Variants in RAB30 observed in about 807,000 individuals in gnomAD.
The protein encoded by RAB30 is ras-related protein Rab-30.
A neutral mutation model predicts 25.1 loss-of-function variants in RAB30; 9 were observed. That is an observed-to-expected ratio of 0.36 (90% CI 0.22 to 0.63). The LOEUF (loss-of-function observed/expected upper bound fraction) is 0.63, where lower values mean the gene tolerates loss of function less well. Among genes scored for constraint, RAB30 ranks in the 20% least tolerant of loss-of-function variants. RAB30 has a pLI of 0.69. For synonymous variants in RAB30, 77 were observed against 86.4 expected (o/e 0.89, Z 0.60); for missense variants, 140 against 243.5 (o/e 0.58, Z 2.83).
intron 2 of RAB30, among the ~76,000 whole-genome samples, chr11:82,996,703 C>T (rs1344313025): frequency 1.3e-5 from 2 of 152,206 alleles, no homozygotes; most frequent in Non-Finnish European, 2.9e-5. Flanking sequence ...TAATTCTTCA[C>T]TATTTTCATT....
At position 82,979,793 on chromosome 11, in the gene RAB30, A is replaced by T. The variant is rs1856608485; in HGVS notation, c.*2372T>A. 2.0e-5 allele frequency: 3 copies of T among 152,206 alleles called. No individual in the cohort carries two copies. The South Asian group carries it at 6.2e-4, about 32-fold the overall frequency. The allele number at this position is 152,206 out of a possible 1,614,324, so 9.4% of individuals were successfully genotyped here. On this transcript the variant is annotated 3_prime_UTR_variant, in exon 5 of 5. Coordinates refer to ENST00000527633, the MANE Select transcript of RAB30 (RefSeq NM_001286060.2). ...TCCTGCTGATGGGCTGTGGATGGGTAAGTTATGGAAAGGCTGGGAGGAGCA... is the reference window on the plus strand; with the variant it reads ...TCCTGCTGATGGGCTGTGGATGGGTTAGTTATGGAAAGGCTGGGAGGAGCA...
At chr11:83,062,702 T>C (rs1367589458) in intron 1 of RAB30, among the ~76,000 whole-genome samples, 2 of 152,102 alleles carry the variant, frequency 1.3e-5, no homozygotes, top group Non-Finnish European at 1.5e-5. Context: ...ATTTTATAGA[T>C]AAAGAAACTG....
intron 1 of RAB30, among the ~76,000 whole-genome samples, chr11:83,037,642 A>G (rs1299820880): frequency 6.6e-6 from 1 of 152,154 alleles, no homozygotes; most frequent in Non-Finnish European, 1.5e-5. Flanking sequence ...AGCTTGAACA[A>G]CTGGGTAGAG....
intron 3 of RAB30, among the ~76,000 whole-genome samples, chr11:82,992,694 C>T (rs1262319355): frequency 3.3e-5 from 5 of 150,902 alleles, no homozygotes; most frequent in African/African-American, 1.2e-4. Flanking sequence ...TCTTTCCATC[C>T]CTCCCCCAGC....
chr11:83,038,458 G>A (rs7120159), intron 1 of RAB30, among the ~76,000 whole-genome samples: 3,180 of 152,172 alleles, frequency 0.021, 107 homozygotes, highest in African/African-American at 0.074. Context: ...TGAAATAGGG[G>A]GAAAGCAATG....
chr11:83,004,786 A>T (rs2121480070), intron 1 of RAB30, among the ~76,000 whole-genome samples: 1 of 152,008 alleles, frequency 6.6e-6, no homozygotes, highest in South Asian at 2.1e-4. Flanking sequence ...CAAAGACTGT[A>T]CCTCAACAAG....
intron 1 of RAB30, among the ~76,000 whole-genome samples, chr11:83,032,921 T>G (rs1357796520): frequency 6.6e-6 from 1 of 152,114 alleles, no homozygotes; most frequent in African/African-American, 2.4e-5. Context: ...AAAATCCATT[T>G]TTTCTAAGTT....
chr11:83,044,507 G>A (rs1858195637), intron 1 of RAB30, among the ~76,000 whole-genome samples: 2 of 152,130 alleles, frequency 1.3e-5, no homozygotes, highest in South Asian at 4.2e-4. Context: ...CAGTAATCCA[G>A]GTAGGAAGAT....
intron 3 of RAB30, among the ~76,000 whole-genome samples, chr11:82,989,563 G>A (rs1165389067): frequency 2.0e-5 from 3 of 152,196 alleles, no homozygotes; most frequent in Non-Finnish European, 4.4e-5. Context: ...GCCAGGATGT[G>A]TCTTAGAATA....
intron 1 of RAB30, among the ~76,000 whole-genome samples, chr11:83,049,782 TATTG>T (rs1240703832): frequency 6.6e-6 from 1 of 152,182 alleles, no homozygotes; most frequent in Non-Finnish European, 1.5e-5. Flanking sequence ...TTGGCCTACT[TATTG>T]ATTATTATCA....
At chr11:82,995,611 A>G (rs1856940982) in intron 2 of RAB30, among the ~76,000 whole-genome samples, 1 of 152,248 alleles carries the variant, frequency 6.6e-6, no homozygotes, top group East Asian at 1.9e-4. Context: ...GGTAAAACGT[A>G]GACATAAAAG....
At chr11:83,061,586 G>A (rs753538499) in intron 1 of RAB30, among the ~76,000 whole-genome samples, 1 of 151,910 alleles carries the variant, frequency 6.6e-6, no homozygotes, top group African/African-American at 2.4e-5. Flanking sequence ...AAAAGTATCT[G>A]TGTGTGTGCA....
At chr11:83,045,325 CT>C (rs1162576497) in intron 1 of RAB30, among the ~76,000 whole-genome samples, 1 of 152,060 alleles carries the variant, frequency 6.6e-6, no homozygotes, top group Non-Finnish European at 1.5e-5. Flanking sequence ...GAGATAAGAT[CT>C]TGCCATCTTG....
At chr11:82,997,415 G>A (rs1856982330) in intron 1 of RAB30, 91 bp from the exon 2 acceptor site, 4 of 888,436 alleles carry the variant, frequency 4.5e-6, no homozygotes, top group Admixed American at 2.0e-5. Flanking sequence ...CGGGGGAACA[G>A]GTCTGACTCA....
chr11:82,997,124 A>G (rs1489610163), intron 2 of RAB30, 100 bp downstream of exon 2: 12 of 956,280 alleles, frequency 1.3e-5, no homozygotes, highest in Non-Finnish European at 1.8e-5. Flanking sequence ...AGACCCTGGC[A>G]TTGAAACTGG....
rs1323186816 is a variant in RAB30 at position 82,974,532 on chromosome 11, T to C, written c.*7633A>G. 1 of 152,200 alleles carries C rather than the reference T, an allele frequency of 6.6e-6. No homozygotes were observed. The highest frequency in any genetic ancestry group is 2.4e-5 in the African/African-American group (1 of 41,460). The allele number at this position is 152,200 out of a possible 1,614,324, so 9.4% of individuals were successfully genotyped here. On this transcript the variant is annotated 3_prime_UTR_variant, in exon 5 of 5. Transcript: ENST00000527633. ...TTAAAATCAAGTACTATTCTTATAT[T>C]GAAGTTGGTTAGATTTTATATAACG...
chr11:83,061,143 G>T (rs1464709766), intron 1 of RAB30, among the ~76,000 whole-genome samples: 3 of 152,084 alleles, frequency 2.0e-5, no homozygotes, highest in African/African-American at 7.2e-5. Flanking sequence ...CCAGCTCATA[G>T]ACAGCCTGTC....
At position 83,020,955 on chromosome 11, in the gene RAB30, G is replaced by A. The variant is rs142136573; in HGVS notation, c.-8-23631C>T. Among the ~76,000 whole-genome samples, 1,465 of 152,212 alleles carry A rather than the reference G, an allele frequency of 9.6e-3. 13 individuals carry two copies. Among genetic ancestry groups the A allele is most frequent in the Middle Eastern group, 0.024 (7 of 294 alleles). On this transcript the variant is annotated intron_variant, in intron 1 of 4. Transcript: ENST00000527633. The stretch of plus-strand genomic sequence containing the variant: ...GCTGCAGATGACAGGATGACCAGCT[G>A]CAGAGAGGAGTTACCTTCTCTGCTG...
chr11:83,043,348 C>T (rs1375019320), intron 1 of RAB30, among the ~76,000 whole-genome samples: 1 of 152,150 alleles, frequency 6.6e-6, no homozygotes, highest in African/African-American at 2.4e-5. Flanking sequence ...TATAAAGGAG[C>T]CCAGTTGATC....
Sources: allele counts gnomAD v4.1 joint callset (sites outside exome capture counted in the v4.1 genomes callset), GRCh38; gene constraint gnomAD v4.1.1; transcripts MANE v1.5; gene names NCBI Gene and HGNC (gene_info 2026-07-23, HGNC 2026-07-21).